The following HSD17B7 variants were observed in gnomAD, a reference collection of about 807,000 sequenced individuals.
HSD17B7 encodes the protein hydroxysteroid 17-beta dehydrogenase 7.
HSD17B7 carries 17 observed loss-of-function variants against 34.1 expected under a neutral mutation model. The observed-to-expected ratio is 0.50, with a 90% CI of 0.34 to 0.75. HSD17B7 has a LOEUF of 0.75. Among genes scored for constraint, HSD17B7 ranks in the 30% least tolerant of loss-of-function variants. HSD17B7 has a pLI of 0.01. For missense variants in HSD17B7, 296 were observed against 406.6 expected (o/e 0.73, Z 2.34); for synonymous variants, 122 against 154.6 (o/e 0.79, Z 1.56).
chr1:162,803,565 C>T (rs1648887965), intron 6 of HSD17B7, 30 bp downstream of exon 6: 1 of 1,605,542 alleles, frequency 6.2e-7, no homozygotes. Flanking sequence ...CTTTTCTTAA[C>T]TCATAAAAAT....
chr1:162,792,314 ATATAT>A (rs1648435243), intron 1 of HSD17B7, among the ~76,000 whole-genome samples: 2 of 152,212 alleles, frequency 1.3e-5, no homozygotes, highest in Admixed American at 1.3e-4. Context: ...CTTACTGGTG[ATATAT>A]TAAATCATTT....
intron 5 of HSD17B7, among the ~76,000 whole-genome samples, chr1:162,801,195 C>T (rs1411515993): frequency 6.6e-6 from 1 of 152,152 alleles, no homozygotes; most frequent in Non-Finnish European, 1.5e-5. Context: ...AAGCTGGTCT[C>T]GAACTCCTGA....
At chr1:162,796,211 GA>G (rs1478759207) in intron 2 of HSD17B7, among the ~76,000 whole-genome samples, 1 of 152,104 alleles carries the variant, frequency 6.6e-6, no homozygotes, top group Non-Finnish European at 1.5e-5. Flanking sequence ...CACTTTGTAA[GA>G]CGAGGAGAGT....
Position 162,809,441 on chromosome 1 carries a change from G to A in HSD17B7, c.904-2857G>A, listed in dbSNP as rs544893807. ...TGGTCTAAAATTCTCTTTTTTTGTTGTGTCTCTGTCAGGCTTTGGTATCAG... is the reference window on the plus strand; with the variant it reads ...TGGTCTAAAATTCTCTTTTTTTGTTATGTCTCTGTCAGGCTTTGGTATCAG... On this transcript the variant is annotated intron_variant, in intron 8 of 8. Transcript: ENST00000254521. Among the ~76,000 whole-genome samples, 296 of 152,112 alleles carry A rather than the reference G, an allele frequency of 1.9e-3. 1 individual carries two copies. The highest frequency in any genetic ancestry group is 6.9e-3 in the African/African-American group (287 of 41,494).
intron 8 of HSD17B7, among the ~76,000 whole-genome samples, chr1:162,810,421 A>G (rs1233143945): frequency 1.3e-5 from 2 of 152,188 alleles, no homozygotes; most frequent in Non-Finnish European, 2.9e-5. Context: ...AAGAATGTAT[A>G]TTCTGTGGAT....
At chr1:162,799,169 T>G (rs1156860898) in intron 4 of HSD17B7, among the ~76,000 whole-genome samples, 2 of 152,148 alleles carry the variant, frequency 1.3e-5, no homozygotes, top group African/African-American at 4.8e-5. Context: ...GTTTATTATA[T>G]CCATATGGAC....
At chr1:162,809,943 A>G (rs1571011722) in intron 8 of HSD17B7, among the ~76,000 whole-genome samples, 1 of 151,762 alleles carries the variant, frequency 6.6e-6, no homozygotes, top group East Asian at 1.9e-4. Flanking sequence ...TTGTGTCTCT[A>G]TCTCCTTCAG....
chr1:162,799,856 C>T lies in HSD17B7; in HGVS notation c.561C>T (p.Ser187=). ...TCAGCCTCGAGGACTTCCAGCACAGCAAAGGCAAGGAACCCTACAGCTCTT... is the reference window on the plus strand; with the variant it reads ...TCAGCCTCGAGGACTTCCAGCACAGTAAAGGCAAGGAACCCTACAGCTCTT... ...SNFSLEDFQH[S]KGKEPYSSSK... The change falls in exon 5 of 9, where the codon AGC becomes AGT. Residue 187 remains serine (S), a synonymous_variant. Transcript: ENST00000254521. 1 of 1,614,022 alleles carries T rather than the reference C, an allele frequency of 6.2e-7. No homozygotes were observed. Among genetic ancestry groups the T allele is most frequent in the Middle Eastern group, 1.6e-4 (1 of 6,062 alleles).
intron 8 of HSD17B7, among the ~76,000 whole-genome samples, chr1:162,811,660 A>T (rs1440990627): frequency 6.6e-6 from 1 of 152,232 alleles, no homozygotes; most frequent in Non-Finnish European, 1.5e-5. Context: ...CAAGTCCACA[A>T]ATTGTCAGGT....
chr1:162,812,028 T>C (rs1263047524), intron 8 of HSD17B7, among the ~76,000 whole-genome samples: 3 of 152,222 alleles, frequency 2.0e-5, no homozygotes, highest in Non-Finnish European at 4.4e-5. Flanking sequence ...CTTCTGTTAC[T>C]GGGCATATAA....
Position 162,799,609 on chromosome 1 carries a change from C to T in HSD17B7, c.448-134C>T, listed in dbSNP as rs543963472. ...TAAATATTTTTCTGTGTAACTAATTCATGTCTCTTTTAGATAACTAGTTAA... is the reference window on the plus strand; with the variant it reads ...TAAATATTTTTCTGTGTAACTAATTTATGTCTCTTTTAGATAACTAGTTAA... On this transcript the variant is annotated intron_variant, in intron 4 of 8. Coordinates refer to ENST00000254521, the MANE Select transcript of HSD17B7 (RefSeq NM_016371.4). 2.0e-4 allele frequency: 119 copies of T among 607,962 alleles called. No homozygotes were observed. The African/African-American group carries it at 2.0e-3, about 10-fold the overall frequency. 37.7% of individuals were successfully genotyped at this position (607,962 alleles called of 1,614,324 possible).
intron 7 of HSD17B7, among the ~76,000 whole-genome samples, chr1:162,804,764 G>A (rs1309447051): frequency 6.6e-6 from 1 of 152,218 alleles, no homozygotes; most frequent in Non-Finnish European, 1.5e-5. Context: ...AGAAGATCAA[G>A]TTGTTATTTT....
chr1:162,795,320 A>G (rs1269844208), intron 2 of HSD17B7, among the ~76,000 whole-genome samples: 2 of 152,238 alleles, frequency 1.3e-5, no homozygotes, highest in African/African-American at 2.4e-5. Flanking sequence ...AAAACTAGTA[A>G]GAAATAGTGA....
rs148873757 is a variant in HSD17B7, at chr1:162,809,141, C to T, written c.904-3157C>T. Among the ~76,000 whole-genome samples the T allele has an allele frequency of 4.5e-3, 685 of 152,208 alleles. 9 individuals carry two copies. The highest frequency in any genetic ancestry group is 0.016 in the African/African-American group (660 of 41,510). ...AGCTCTTATTATTTTGAGATATGTC[C>T]GATCAATACCTAATTTATTGAGAGT... On this transcript the variant is annotated intron_variant, in intron 8 of 8. Coordinates refer to ENST00000254521, the MANE Select transcript of HSD17B7 (RefSeq NM_016371.4).
Position 162,803,514 on chromosome 1 carries a change from G to A in HSD17B7, c.726G>A (p.Leu242=). The change falls in exon 6 of 9, where the codon CTG becomes CTA. Residue 242 remains leucine (L), a synonymous_variant. Coordinates refer to ENST00000254521, the MANE Select transcript of HSD17B7 (RefSeq NM_016371.4). ...TTCTGCCTCCGTTTATATGGACGCT[G>A]TTGATGCCGGCAATATTGCTAGTAA... ...YGILPPFIWT[L]LMPAILLLRF... The A allele has an allele frequency of 1.2e-6, 2 of 1,612,732 alleles. No individual in the cohort carries two copies. The highest frequency in any genetic ancestry group is 1.3e-5 in the African/African-American group (1 of 74,950).
At chr1:162,796,067 C>T (rs1648598543) in intron 2 of HSD17B7, among the ~76,000 whole-genome samples, 1 of 152,126 alleles carries the variant, frequency 6.6e-6, no homozygotes, top group Non-Finnish European at 1.5e-5. Flanking sequence ...AAGGTTTCCA[C>T]ATGGATCTTC....
chr1:162,807,196 T>C (rs942492111), intron 8 of HSD17B7, among the ~76,000 whole-genome samples: 7 of 152,186 alleles, frequency 4.6e-5, no homozygotes, highest in African/African-American at 1.7e-4. Context: ...ATTGTTCAGT[T>C]CCCACCTATG....
chr1:162,808,797 G>C (rs1649076332), intron 8 of HSD17B7, among the ~76,000 whole-genome samples: 1 of 152,182 alleles, frequency 6.6e-6, no homozygotes, highest in African/African-American at 2.4e-5. Context: ...AAGAATGCTT[G>C]TGATTTTTGC....
chr1:162,808,203 A>G (rs1438168131), intron 8 of HSD17B7, among the ~76,000 whole-genome samples: 1 of 152,188 alleles, frequency 6.6e-6, no homozygotes, highest in Non-Finnish European at 1.5e-5. Flanking sequence ...CAGTTTTCCC[A>G]GCACCATTTA....
Sources: allele counts gnomAD v4.1 joint callset (sites outside exome capture counted in the v4.1 genomes callset), GRCh38; gene constraint gnomAD v4.1.1; transcripts MANE v1.5; gene names NCBI Gene and HGNC (gene_info 2026-07-23, HGNC 2026-07-21).